The following PITPNC1 variants were observed in gnomAD, a reference collection of about 807,000 sequenced individuals.
PITPNC1 encodes the protein cytoplasmic phosphatidylinositol transfer protein 1.
Under a neutral mutation model 44.7 loss-of-function variants are expected in PITPNC1, and 18 were observed. The ratio of observed to expected loss-of-function variants is 0.40; its 90% confidence interval spans 0.28 to 0.60. The LOEUF is 0.60. Among genes scored for constraint, PITPNC1 ranks in the 20% least tolerant of loss-of-function variants. The probability of loss-of-function intolerance (pLI) is 0.39; values close to 1 mark genes in which losing one functional copy is unlikely to be tolerated. For synonymous variants in PITPNC1, 141 were observed against 149.6 expected, an observed-to-expected ratio of 0.94 and a Z score of 0.42; for missense variants, 290 against 418.4, an observed-to-expected ratio of 0.69 and a Z score of 2.68.
intron 2 of PITPNC1, among the ~76,000 whole-genome samples, chr17:67,537,034 GAA>G (rs2040539821): frequency 6.6e-6 from 1 of 152,116 alleles, no homozygotes; most frequent in Admixed American, 6.6e-5. Context: ...ACATAGACAT[GAA>G]AATACTATAT....
intron 1 of PITPNC1, among the ~76,000 whole-genome samples, chr17:67,524,004 GT>G (rs960050866): frequency 2.6e-5 from 4 of 151,830 alleles, no homozygotes; most frequent in African/African-American, 9.7e-5. Context: ...TAGAGATGGG[GT>G]TTCACCATCT....
chr17:67,692,690 C>T lies in PITPNC1; in HGVS notation c.801C>T (p.Ser267=), dbSNP rs754634512. 48 of 1,613,586 alleles carry T rather than the reference C, an allele frequency of 3.0e-5. No individual in the cohort carries two copies. In the Admixed American group the frequency reaches 7.0e-4, roughly 24 times the overall value. The change falls in exon 9 of 9, where the codon TCC becomes TCT. Residue 267 remains serine (S), a synonymous_variant. Coordinates refer to ENST00000581322, the MANE Select transcript of PITPNC1 (RefSeq NM_012417.4). ...SISSIPLLPS[S]VRSAPSSAPS... ...CCAGCATCCCCCTGCTGCCTTCTTC[C>T]GTCCGCAGTGCGCCTTCTAGTGCTC...
intron 5 of PITPNC1, 148 bp from the exon 6 acceptor site, chr17:67,631,994 AT>A: frequency 1.7e-6 from 1 of 592,120 alleles, no homozygotes; most frequent in East Asian, 2.8e-5. Context: ...GCCTTCTATG[AT>A]TCTTGCGCAT....
rs548446540 is a variant in PITPNC1, at chr17:67,641,988, G to A, written c.462+9750G>A. Among the ~76,000 whole-genome samples the A allele has an allele frequency of 2.6e-5, 4 of 152,136 alleles. No individual in the cohort carries two copies. In the East Asian group the frequency reaches 7.7e-4, roughly 29 times the overall value. The stretch of plus-strand genomic sequence containing the variant: ...CTAAAAGTGAAAGTGTTGAGTCAAT[G>A]GACATATGGGTTGAGATTTTCCTAG... On this transcript the variant is annotated intron_variant, in intron 6 of 8. Coordinates refer to ENST00000581322, the MANE Select transcript of PITPNC1 (RefSeq NM_012417.4).
intron 5 of PITPNC1, among the ~76,000 whole-genome samples, chr17:67,615,455 C>T (rs554581170): frequency 2.2e-4 from 34 of 152,256 alleles, no homozygotes; most frequent in African/African-American, 7.5e-4. Flanking sequence ...CCTTGTCTTT[C>T]GATGCCTCGT....
intron 1 of PITPNC1, among the ~76,000 whole-genome samples, chr17:67,419,962 C>T (rs1017278698): frequency 6.6e-6 from 1 of 151,852 alleles, no homozygotes; most frequent in African/African-American, 2.4e-5. Flanking sequence ...CCCTTTGTTT[C>T]AAAACCATCC....
intron 4 of PITPNC1, among the ~76,000 whole-genome samples, chr17:67,565,844 G>GT (rs1301047955): frequency 6.7e-6 from 1 of 149,916 alleles, no homozygotes. Context: ...ATGTTTTTCG[G>GT]TGTGTATGCT....
At chr17:67,583,867 G>T (rs890193975) in intron 5 of PITPNC1, among the ~76,000 whole-genome samples, 14 of 105,058 alleles carry the variant, frequency 1.3e-4, no homozygotes, top group Non-Finnish European at 1.7e-4. Context: ...GGCTAATTTT[G>T]TGTGTGTGTG....
chr17:67,406,864 G>A (rs1043860829), intron 1 of PITPNC1, among the ~76,000 whole-genome samples: 8 of 152,144 alleles, frequency 5.3e-5, no homozygotes, highest in African/African-American at 1.9e-4. Context: ...TGGGATTACA[G>A]GTGTGAGCCA....
Position 67,490,112 on chromosome 17 carries a change from C to CTGTG in PITPNC1, c.49-42644_49-42641dup, listed in dbSNP as rs71354073. ...TTTAAAGATTTGGAAACAGGCTTTT[C>CTGTG]TGTGTGTGTGTGTGTGTGTGTGTGT... is the stretch of plus-strand genomic sequence containing the variant. On this transcript the variant is annotated intron_variant, in intron 1 of 8. Transcript: ENST00000581322. 5.2e-3 allele frequency among the ~76,000 whole-genome samples: 748 copies of CTGTG among 144,930 alleles called. 1 individual carries two copies. Among genetic ancestry groups the CTGTG allele is most frequent in the Admixed American group, 6.1e-3 (88 of 14,364 alleles).
At chr17:67,556,960 G>GCTC (rs2040845235) in intron 4 of PITPNC1, among the ~76,000 whole-genome samples, 1 of 152,170 alleles carries the variant, frequency 6.6e-6, no homozygotes, top group Non-Finnish European at 1.5e-5. Flanking sequence ...GAAATATGAG[G>GCTC]AGGTTTCTCA....
chr17:67,557,024 A>T (rs1029322387), intron 4 of PITPNC1, among the ~76,000 whole-genome samples: 1 of 152,182 alleles, frequency 6.6e-6, no homozygotes, highest in Non-Finnish European at 1.5e-5. Flanking sequence ...CCCCCTGCAG[A>T]GGCCTGTTCT....
At chr17:67,577,610 T>C (rs1280607456) in intron 4 of PITPNC1, among the ~76,000 whole-genome samples, 1 of 151,034 alleles carries the variant, frequency 6.6e-6, no homozygotes, top group Admixed American at 6.6e-5. Flanking sequence ...AAATTTAAAA[T>C]TTAAAATAAA....
intron 4 of PITPNC1, among the ~76,000 whole-genome samples, chr17:67,567,084 C>G (rs2040989895): frequency 1.3e-5 from 2 of 152,202 alleles, no homozygotes; most frequent in Admixed American, 1.3e-4. Flanking sequence ...ACACTATTGT[C>G]ATTATAACCT....
intron 1 of PITPNC1, among the ~76,000 whole-genome samples, chr17:67,412,738 G>T (rs1016516550): frequency 2.6e-5 from 4 of 152,000 alleles, no homozygotes; most frequent in Non-Finnish European, 5.9e-5. Context: ...GGCTAATTTA[G>T]TATTTTTATT....
intron 1 of PITPNC1, among the ~76,000 whole-genome samples, chr17:67,438,115 A>AG (rs2038962143): frequency 6.6e-6 from 1 of 152,000 alleles, no homozygotes; most frequent in South Asian, 2.1e-4. Context: ...AAAAAGAAAA[A>AG]CAAAGATCCT....
intron 5 of PITPNC1, among the ~76,000 whole-genome samples, chr17:67,621,640 C>T (rs2041831624): frequency 6.6e-6 from 1 of 152,148 alleles, no homozygotes; most frequent in South Asian, 2.1e-4. Flanking sequence ...CACATTTTTC[C>T]AAGGCACAGT....
intron 1 of PITPNC1, among the ~76,000 whole-genome samples, chr17:67,477,620 G>A (rs2039648993): frequency 6.6e-6 from 1 of 151,500 alleles, no homozygotes; most frequent in Non-Finnish European, 1.5e-5. Flanking sequence ...GGCTGGTCTT[G>A]AACTCCTGGC....
chr17:67,569,869 C>A (rs2041028344), intron 4 of PITPNC1, among the ~76,000 whole-genome samples: 1 of 152,272 alleles, frequency 6.6e-6, no homozygotes, highest in Admixed American at 6.5e-5. Flanking sequence ...CCCTGCCAAG[C>A]TGTGCCTTTA....
Sources: gnomAD v4.1 joint callset for allele counts (sites outside exome capture counted in the v4.1 genomes callset) on GRCh38, gnomAD v4.1.1 for gene constraint, MANE v1.5 for transcripts, NCBI Gene and HGNC (gene_info 2026-07-23, HGNC 2026-07-21) for gene names.